CPPED1: variants seen among roughly 807,000 people sequenced by gnomAD.
CPPED1 encodes the protein calcineurin like phosphoesterase domain containing 1, also known as serine/threonine-protein phosphatase CPPED1.
CPPED1 carries 28 observed loss-of-function variants against 28.0 expected under a neutral mutation model. The ratio of observed to expected loss-of-function variants is 1.00; its 90% CI spans 0.74 to 1.37. CPPED1 has a LOEUF of 1.37. CPPED1 is among the 40% of genes most tolerant of loss of function. CPPED1 has a pLI of 0.00. For synonymous variants in CPPED1, 198 were observed against 180.2 expected (o/e 1.10, Z -0.79); for missense variants, 504 against 416.5 (o/e 1.21, Z -1.83).
At chr16:12,716,262 C>G (rs1178698487) in intron 2 of CPPED1, among the ~76,000 whole-genome samples, 1 of 152,210 alleles carries the variant, frequency 6.6e-6, no homozygotes. Context: ...AACGCTGGTG[C>G]TGCTATAAGG....
At chr16:12,718,217 T>C (rs975127228) in intron 2 of CPPED1, among the ~76,000 whole-genome samples, 1 of 152,228 alleles carries the variant, frequency 6.6e-6, no homozygotes, top group East Asian at 1.9e-4. Flanking sequence ...TTTCTTGATG[T>C]GATATCTATC....
At chr16:12,672,393 GTT>G (rs2079856956) in intron 3 of CPPED1, among the ~76,000 whole-genome samples, 2 of 152,174 alleles carry the variant, frequency 1.3e-5, no homozygotes, top group Non-Finnish European at 2.9e-5. Context: ...CGTTAGTAAT[GTT>G]TATTTATGGA....
chr16:12,703,374 C>T (rs2080030452), intron 3 of CPPED1, among the ~76,000 whole-genome samples: 1 of 152,238 alleles, frequency 6.6e-6, no homozygotes, highest in Non-Finnish European at 1.5e-5. Context: ...CCGTTACTCT[C>T]TCCGGATTCT....
chr16:12,754,290 A>G (rs2080350650), intron 2 of CPPED1, among the ~76,000 whole-genome samples: 1 of 152,154 alleles, frequency 6.6e-6, no homozygotes. Context: ...AAGCCAAACC[A>G]AACACCAGAT....
chr16:12,784,370 G>A (rs1407542202), intron 1 of CPPED1, among the ~76,000 whole-genome samples: 1 of 152,148 alleles, frequency 6.6e-6, no homozygotes, highest in Non-Finnish European at 1.5e-5. Flanking sequence ...TGTGGCAGAT[G>A]AACTCAACTA....
intron 2 of CPPED1, among the ~76,000 whole-genome samples, chr16:12,768,867 CT>C (rs35322378): frequency 1.1e-3 from 156 of 138,000 alleles, no homozygotes; most frequent in Admixed American, 1.3e-3. Context: ...TTTTCTTTTT[CT>C]TTTTTTTTTT....
rs376774463 is a variant in CPPED1 at position 12,767,181 on chromosome 16, G to C, written c.289+14004C>G. 5.3e-5 allele frequency among the ~76,000 whole-genome samples: 8 copies of C among 152,182 alleles called. No homozygotes were observed. In the South Asian group the frequency reaches 1.0e-3, roughly 20 times the overall value. ...GGGTTTCATTCAGTCTAAATCCAAAGGCCTGAGAATCAGAGAAACTGATGG... is the reference window on the plus strand; with the variant it reads ...GGGTTTCATTCAGTCTAAATCCAAACGCCTGAGAATCAGAGAAACTGATGG... On this transcript the variant is annotated intron_variant, in intron 2 of 3. Coordinates refer to ENST00000381774, the MANE Select transcript of CPPED1 (RefSeq NM_018340.3).
chr16:12,767,911 C>T (rs1212016120), intron 2 of CPPED1, among the ~76,000 whole-genome samples: 4 of 152,050 alleles, frequency 2.6e-5, no homozygotes, highest in Non-Finnish European at 4.4e-5. Flanking sequence ...GCAGAGATCG[C>T]GCCACTGCAC....
chr16:12,791,319 G>A (rs1417647134), intron 1 of CPPED1, among the ~76,000 whole-genome samples: 4 of 152,040 alleles, frequency 2.6e-5, no homozygotes, highest in African/African-American at 4.8e-5. Flanking sequence ...TGCGGTGTTT[G>A]GTTTTCTGTT....
intron 2 of CPPED1, among the ~76,000 whole-genome samples, chr16:12,730,279 G>GGT (rs539319238): frequency 6.9e-4 from 105 of 152,262 alleles, no homozygotes; most frequent in South Asian, 2.9e-3. Flanking sequence ...TCGGATTACA[G>GGT]GTGTAAGCCA....
At chr16:12,729,674 A>T (rs777138546) in intron 2 of CPPED1, among the ~76,000 whole-genome samples, 1 of 152,220 alleles carries the variant, frequency 6.6e-6, no homozygotes, top group Non-Finnish European at 1.5e-5. Flanking sequence ...TGAGAGAGCT[A>T]AAAAGCCATC....
At chr16:12,693,109 T>C (rs2079971877) in intron 3 of CPPED1, among the ~76,000 whole-genome samples, 1 of 152,284 alleles carries the variant, frequency 6.6e-6, no homozygotes, top group Middle Eastern at 3.4e-3. Flanking sequence ...ACGTGCTCAG[T>C]TTCCACACCT....
At chr16:12,678,948 G>C (rs1311041491) in intron 3 of CPPED1, among the ~76,000 whole-genome samples, 1 of 151,992 alleles carries the variant, frequency 6.6e-6, no homozygotes, top group Non-Finnish European at 1.5e-5. Flanking sequence ...TCTTTTTCTT[G>C]TTGGTTATAA....
rs1432257203 is a variant in CPPED1 at position 12,664,198 on chromosome 16, TGGA to T, written c.*685_*687del. On this transcript the variant is annotated 3_prime_UTR_variant, in exon 4 of 4. Coordinates refer to ENST00000381774, the MANE Select transcript of CPPED1 (RefSeq NM_018340.3). The surrounding 1 kb of genome is among the most constrained non-coding windows in gnomAD (Gnocchi z 4.2). ...TTTTAGAGCTTTGGTTTCAGTCTCT[TGGA>T]GGAGATTTTCAGAAATGGCCAATTT... The T allele has an allele frequency of 1.6e-5, 3 of 193,484 alleles. No individual in the cohort carries two copies. Among genetic ancestry groups the T allele is most frequent in the African/African-American group, 2.4e-5 (1 of 42,124 alleles). The allele number at this position is 193,484 out of a possible 1,614,324, so 12.0% of individuals were successfully genotyped here.
intron 2 of CPPED1, among the ~76,000 whole-genome samples, chr16:12,740,253 C>A (rs1485050323): frequency 6.6e-6 from 1 of 151,850 alleles, no homozygotes; most frequent in African/African-American, 2.4e-5. Context: ...CAACACCAGC[C>A]TGGCCAACAT....
chr16:12,761,690 G>C (rs2080410734), intron 2 of CPPED1, among the ~76,000 whole-genome samples: 10 of 152,106 alleles, frequency 6.6e-5, no homozygotes, highest in Admixed American at 6.5e-4. Flanking sequence ...CAAAAGTTTG[G>C]GCTTAATCTT....
intron 1 of CPPED1, among the ~76,000 whole-genome samples, chr16:12,801,708 C>T (rs2080660780): frequency 6.6e-6 from 1 of 152,052 alleles, no homozygotes; most frequent in Non-Finnish European, 1.5e-5. Flanking sequence ...ACTAAATGGC[C>T]ATTGTATTAG....
At chr16:12,781,901 G>A (rs926999665) in intron 1 of CPPED1, among the ~76,000 whole-genome samples, 1 of 152,098 alleles carries the variant, frequency 6.6e-6, no homozygotes, top group African/African-American at 2.4e-5. Flanking sequence ...TTGGCGCTTG[G>A]AAGCTCTGGC....
chr16:12,766,967 A>C (rs2080443389), intron 2 of CPPED1, among the ~76,000 whole-genome samples: 1 of 151,470 alleles, frequency 6.6e-6, no homozygotes, highest in African/African-American at 2.4e-5. Context: ...TTCAGATCCC[A>C]AGTCATTTTG....
Sources: allele counts gnomAD v4.1 joint callset (sites outside exome capture counted in the v4.1 genomes callset), GRCh38; gene constraint gnomAD v4.1.1; non-coding constraint Gnocchi (gnomAD v3.1); transcripts MANE v1.5; gene names NCBI Gene and HGNC (gene_info 2026-07-23, HGNC 2026-07-21).